Variants in BRIP1 observed in about 807,000 individuals in gnomAD.
The protein encoded by BRIP1 is BRCA1 interacting DNA helicase 1.
A neutral mutation model predicts 119.7 loss-of-function variants in BRIP1; 88 were observed. The ratio of observed to expected loss-of-function variants is 0.74; its 90% CI spans 0.62 to 0.88. BRIP1 has a LOEUF of 0.88. Ranked by LOEUF, BRIP1 falls within the 40% of genes least tolerant of loss-of-function variation. The pLI, the probability that BRIP1 is intolerant of heterozygous loss-of-function variation, is 0.00. For missense variants in BRIP1, 1,259 were observed against 1,455.4 expected (o/e 0.87, Z 2.20); for synonymous variants, 443 against 496.5 (o/e 0.89, Z 1.43).
rs969352716 is a variant in BRIP1 at position 61,753,637 on chromosome 17, T to C, written c.2098-9046A>G. On this transcript the variant is annotated intron_variant, in intron 14 of 19. Transcript: ENST00000259008. The surrounding 1 kb of genome is among the most constrained non-coding windows in gnomAD (Gnocchi z 4.6). ...TTTTTTTAGAGATGGGATCTCACTC[T>C]GTTGCTCAGGCTGAAGTGCAGTGGT... 1.3e-5 allele frequency among the ~76,000 whole-genome samples: 2 copies of C among 151,800 alleles called. No individual in the cohort carries two copies. The highest frequency in any genetic ancestry group is 4.8e-5 in the African/African-American group (2 of 41,334).
In BRIP1 at chr17:61,717,345, A is replaced by G. The variant is rs2061895355; in HGVS notation, c.2380-1282T>C. Among the ~76,000 whole-genome samples the G allele has an allele frequency of 6.6e-6, 1 of 152,068 alleles. No individual in the cohort carries two copies. Among genetic ancestry groups the G allele is most frequent in the Non-Finnish European group, 1.5e-5 (1 of 67,964 alleles). On this transcript the variant is annotated intron_variant, in intron 16 of 19. Transcript: ENST00000259008. The surrounding 1 kb of genome is among the most constrained non-coding windows in gnomAD (Gnocchi z 4.1). Reference sequence around the variant, plus strand: ...CATTTCTGGCACTCTTCATTTTCTCACGTAGATTTAAATTTCCATCTGGTA... The same window carrying G: ...CATTTCTGGCACTCTTCATTTTCTCGCGTAGATTTAAATTTCCATCTGGTA...
chr17:61,765,409 A>T (rs1603313057), intron 14 of BRIP1, among the ~76,000 whole-genome samples: 1 of 13,646 alleles, frequency 7.3e-5, no homozygotes, highest in Non-Finnish European at 1.3e-4. Context: ...ATATATATAT[A>T]TATATATATA....
intron 18 of BRIP1, among the ~76,000 whole-genome samples, chr17:61,688,287 C>A (rs148991177): frequency 0.033 from 5,042 of 152,126 alleles, 326 homozygotes; most frequent in African/African-American, 0.12. Context: ...TTGAGACCAG[C>A]GTGGACAACA....
At chr17:61,702,972 C>CTTTTTTT (rs61428664) in intron 17 of BRIP1, among the ~76,000 whole-genome samples, 7 of 125,220 alleles carry the variant, frequency 5.6e-5, no homozygotes, top group East Asian at 2.3e-4. Context: ...AGCATCTGTT[C>CTTTTTTT]TTTTTTTTTT....
At chr17:61,847,896 T>C (rs894641379) in intron 5 of BRIP1, among the ~76,000 whole-genome samples, 1 of 152,194 alleles carries the variant, frequency 6.6e-6, no homozygotes, top group South Asian at 2.1e-4. Flanking sequence ...GGAATAAATG[T>C]TTTATGTTGA....
chr17:61,793,855 T>A lies in BRIP1; in HGVS notation c.1341-126A>T. On this transcript the variant is annotated intron_variant, in intron 9 of 19. Transcript: ENST00000259008. This position sits in a 1 kb window ranked among gnomAD's most constrained non-coding sequence, Gnocchi z 5.2. ...TATCTTGACATTCTTAGGACATGAA[T>A]GTGGATTAATTAAGACACCTTTTAA... The A allele has an allele frequency of 1.0e-6, 1 of 964,864 alleles. No homozygotes were observed. Among genetic ancestry groups the A allele is most frequent in the South Asian group, 2.3e-5 (1 of 44,292 alleles). 59.8% of individuals were successfully genotyped at this position (964,864 alleles called of 1,614,324 possible). A position where few individuals can be genotyped will look rare whatever the true frequency, so the allele number is the denominator to read the frequency against.
chr17:61,734,129 A>T lies in BRIP1; in HGVS notation c.2379+8884T>A, dbSNP rs915299858. ...ATTTGTACCTTATCATATCTCACAA[A>T]CTATGTCCATGTCACCAATTGGAGA... is the stretch of plus-strand genomic sequence containing the variant. On this transcript the variant is annotated intron_variant, in intron 16 of 19. Coordinates refer to ENST00000259008, the MANE Select transcript of BRIP1 (RefSeq NM_032043.3). This position sits in a 1 kb window ranked among gnomAD's most constrained non-coding sequence, Gnocchi z 5.2. Among the ~76,000 whole-genome samples the T allele has an allele frequency of 6.6e-6, 1 of 152,150 alleles. No individual in the cohort carries two copies. The highest frequency in any genetic ancestry group is 1.9e-4 in the East Asian group (1 of 5,192).
intron 16 of BRIP1, among the ~76,000 whole-genome samples, chr17:61,718,676 T>C (rs1421945092): frequency 6.6e-6 from 1 of 152,172 alleles, no homozygotes; most frequent in African/African-American, 2.4e-5. Flanking sequence ...TCTGTTTGAG[T>C]TTATTCTCCC....
Position 61,759,783 on chromosome 17 carries a change from T to G in BRIP1, c.2098-15192A>C, listed in dbSNP as rs1344082277. Among the ~76,000 whole-genome samples the G allele has an allele frequency of 6.6e-6, 1 of 151,910 alleles. No homozygotes were observed. Among genetic ancestry groups the G allele is most frequent in the East Asian group, 1.9e-4 (1 of 5,196 alleles). On this transcript the variant is annotated intron_variant, in intron 14 of 19. Transcript: ENST00000259008. This position sits in a 1 kb window ranked among gnomAD's most constrained non-coding sequence, Gnocchi z 4.9. ...ATACCTTAATTTTAAAATACTTTAT[T>G]GCTAAAAAAATGCTGACACAGAGAC...
rs1438975574 is a variant in BRIP1, at chr17:61,784,269, C to T, written c.1628+1G>A. ...AATACATACTAGTTATCTTCACTTA[C>T]CTGCTATTTTGCCTAAAAAGATAGT... On this transcript the variant is annotated splice_donor_variant, in intron 11 of 19. Coordinates refer to ENST00000259008, the MANE Select transcript of BRIP1 (RefSeq NM_032043.3). LOFTEE classifies it high-confidence loss of function. 6.2e-7 allele frequency: 1 copy of T among 1,611,486 alleles called. No individual in the cohort carries two copies. The highest frequency in any genetic ancestry group is 8.5e-7 in the Non-Finnish European group (1 of 1,178,224).
Position 61,752,681 on chromosome 17 carries a change from C to A in BRIP1, c.2098-8090G>T, listed in dbSNP as rs1394005342. Among the ~76,000 whole-genome samples, 1 of 152,154 alleles carries A rather than the reference C, an allele frequency of 6.6e-6. No individual in the cohort carries two copies. The highest frequency in any genetic ancestry group is 1.5e-5 in the Non-Finnish European group (1 of 68,014). On this transcript the variant is annotated intron_variant, in intron 14 of 19. Coordinates refer to ENST00000259008, the MANE Select transcript of BRIP1 (RefSeq NM_032043.3). This position sits in a 1 kb window ranked among gnomAD's most constrained non-coding sequence, Gnocchi z 6.2. ...CTCTCTGAATAGGCCAATCATCATA[C>A]TTTTTCTTCATTAATCAGTGAGTTT... is the stretch of plus-strand genomic sequence containing the variant.
Position 61,680,570 on chromosome 17 carries a change from C to A in BRIP1, c.*2726G>T, listed in dbSNP as rs2061257979. On this transcript the variant is annotated 3_prime_UTR_variant, in exon 20 of 20. Coordinates refer to ENST00000259008, the MANE Select transcript of BRIP1 (RefSeq NM_032043.3). ...TCTCGGCTCACTGCAAGCTCCACCT[C>A]CCGGGTTCACGCCATTCTCCTGCCT... 6.7e-6 allele frequency among the ~76,000 whole-genome samples: 1 copy of A among 149,680 alleles called. No individual in the cohort carries two copies. Among genetic ancestry groups the A allele is most frequent in the South Asian group, 2.1e-4 (1 of 4,708 alleles).
rs2061742175 is a variant in BRIP1, at chr17:61,709,591, T to C, written c.2492+6360A>G. 6.6e-6 allele frequency among the ~76,000 whole-genome samples: 1 copy of C among 152,194 alleles called. No homozygotes were observed. Among genetic ancestry groups the C allele is most frequent in the Non-Finnish European group, 1.5e-5 (1 of 68,028 alleles). On this transcript the variant is annotated intron_variant, in intron 17 of 19. Coordinates refer to ENST00000259008, the MANE Select transcript of BRIP1 (RefSeq NM_032043.3). This position sits in a 1 kb window ranked among gnomAD's most constrained non-coding sequence, Gnocchi z 5.0. ...TGTATTTTGGTTCCAGTTTGATTTA[T>C]GTTTAAAGCATTCTATGGTATGGTA... is the stretch of plus-strand genomic sequence containing the variant.
rs114560881 is a variant in BRIP1 at position 61,824,120 on chromosome 17, T to C, written c.628-15363A>G. ...ATGAGCCACCATGCCCGGCCTAAGA[T>C]AGAATTTTTAAAGCAGCCACAGATT... On this transcript the variant is annotated intron_variant, in intron 6 of 19. Transcript: ENST00000259008. The surrounding 1 kb of genome is among the most constrained non-coding windows in gnomAD (Gnocchi z 4.3). 7.3e-3 allele frequency among the ~76,000 whole-genome samples: 1,115 copies of C among 152,258 alleles called. 11 individuals carry two copies. The highest frequency in any genetic ancestry group is 0.025 in the African/African-American group (1,056 of 41,552).
Position 61,695,521 on chromosome 17 carries a change from G to C in BRIP1, c.2493-2009C>G, listed in dbSNP as rs1187386868. On this transcript the variant is annotated intron_variant, in intron 17 of 19. Transcript: ENST00000259008. This position sits in a 1 kb window ranked among gnomAD's most constrained non-coding sequence, Gnocchi z 4.3. ...AGAATCAGCTTCTCAATTCCTGCCA[G>C]AAAGTCAGCTGGGATTTTGATTAGT... is the stretch of plus-strand genomic sequence containing the variant. Among the ~76,000 whole-genome samples, 1 of 152,058 alleles carries C rather than the reference G, an allele frequency of 6.6e-6. No homozygotes were observed. Among genetic ancestry groups the C allele is most frequent in the Non-Finnish European group, 1.5e-5 (1 of 67,944 alleles).
Position 61,769,190 on chromosome 17 carries a change from G to A in BRIP1, c.2097+7211C>T, listed in dbSNP as rs891635835. Among the ~76,000 whole-genome samples the A allele has an allele frequency of 2.0e-5, 3 of 152,156 alleles. No homozygotes were observed. Among genetic ancestry groups the A allele is most frequent in the African/African-American group, 7.2e-5 (3 of 41,426 alleles). On this transcript the variant is annotated intron_variant, in intron 14 of 19. Transcript: ENST00000259008. The surrounding 1 kb of genome is among the most constrained non-coding windows in gnomAD (Gnocchi z 4.9). ...ACAACCCCAGTTGACTCTGCTGGGA[G>A]CCTTGTAATACACTGAGAAGAAAAA...
In BRIP1 at chr17:61,789,328, C is replaced by G. The variant is rs1388001008; in HGVS notation, c.1473+4269G>C. On this transcript the variant is annotated intron_variant, in intron 10 of 19. Transcript: ENST00000259008. The surrounding 1 kb of genome is among the most constrained non-coding windows in gnomAD (Gnocchi z 4.8). ...TAATTAAAAAAAGAAAAATAGGTAG[C>G]AGAGGTAGCATTACAAATTAGAGGG... is the stretch of plus-strand genomic sequence containing the variant. Among the ~76,000 whole-genome samples, 5 of 150,858 alleles carry G rather than the reference C, an allele frequency of 3.3e-5. No individual in the cohort carries two copies. Among genetic ancestry groups the G allele is most frequent in the Non-Finnish European group, 7.4e-5 (5 of 67,674 alleles).
rs79415344 is a variant in BRIP1, at chr17:61,816,074, C to G, written c.628-7317G>C. 1.4e-4 allele frequency among the ~76,000 whole-genome samples: 21 copies of G among 152,304 alleles called. No homozygotes were observed. In the East Asian group the frequency reaches 4.1e-3, roughly 29 times the overall value. On this transcript the variant is annotated intron_variant, in intron 6 of 19. Coordinates refer to ENST00000259008, the MANE Select transcript of BRIP1 (RefSeq NM_032043.3). The surrounding 1 kb of genome is among the most constrained non-coding windows in gnomAD (Gnocchi z 5.0). ...TTCATGATTAGACTGCACAAAGCAG[C>G]TGTTTATCCACTCACAGCAACCAGC...
chr17:61,724,107 A>G lies in BRIP1; in HGVS notation c.2380-8044T>C, dbSNP rs2062025756. ...CCTTACTATGATAGTTTTTAGACAA[A>G]TAAATATATATCTGCATCAAAATCT... On this transcript the variant is annotated intron_variant, in intron 16 of 19. Coordinates refer to ENST00000259008, the MANE Select transcript of BRIP1 (RefSeq NM_032043.3). This position sits in a 1 kb window ranked among gnomAD's most constrained non-coding sequence, Gnocchi z 5.1. Among the ~76,000 whole-genome samples the G allele has an allele frequency of 6.6e-6, 1 of 152,128 alleles. No individual in the cohort carries two copies. The highest frequency in any genetic ancestry group is 6.5e-5 in the Admixed American group (1 of 15,268).
Sources: gnomAD v4.1 joint callset for allele counts (sites outside exome capture counted in the v4.1 genomes callset) on GRCh38, gnomAD v4.1.1 for gene constraint, Gnocchi (gnomAD v3.1) non-coding constraint, MANE v1.5 for transcripts, NCBI Gene and HGNC (gene_info 2026-07-23, HGNC 2026-07-21) for gene names.